Variants in ANKS3 observed in about 807,000 individuals in gnomAD.
ANKS3 encodes ankyrin repeat and sterile alpha motif domain containing 3.
In ANKS3, 62 loss-of-function variants were observed where a neutral mutation model predicts 80.7. That is an observed-to-expected ratio of 0.77 (90% CI 0.63 to 0.95). ANKS3 has a LOEUF of 0.95. Among genes scored for constraint, ANKS3 ranks in the 40% least tolerant of loss-of-function variants. The pLI, the probability that ANKS3 is intolerant of heterozygous loss-of-function variation, is 0.00. For missense variants in ANKS3, 1,150 were observed against 883.6 expected (o/e 1.30, Z -3.82); for synonymous variants, 489 against 355.3 (o/e 1.38, Z -4.23).
intron 6 of ANKS3, among the ~76,000 whole-genome samples, chr16:4,716,180 T>C (rs1410583159): frequency 6.6e-6 from 1 of 150,880 alleles, no homozygotes; most frequent in Non-Finnish European, 1.5e-5. Context: ...ACAGGGTGAA[T>C]CCTCATCTCT....
chr16:4,697,441 G>C, intron 15 of ANKS3, 25 bp from the exon 16 acceptor site: 1 of 1,562,286 alleles, frequency 6.4e-7, no homozygotes, highest in Non-Finnish European at 8.7e-7. Context: ...CAGGGACCGA[G>C]TTAGCTGGGG....
Position 4,696,811 on chromosome 16 carries a change from G to C in ANKS3, c.*97C>G, listed in dbSNP as rs981759679. On this transcript the variant is annotated 3_prime_UTR_variant, in exon 18 of 18. Transcript: ENST00000304283. The stretch of plus-strand genomic sequence containing the variant: ...GATCCTCTGGCCCCCACTGGGCCTG[G>C]GCTGCACATGGCAGCTACCTGCTCA... 8.2e-6 allele frequency: 5 copies of C among 609,226 alleles called. No individual in the cohort carries two copies. Among genetic ancestry groups the C allele is most frequent in the African/African-American group, 7.4e-5 (4 of 54,050 alleles). 37.7% of individuals were successfully genotyped at this position (609,226 alleles called of 1,614,324 possible). A position where few individuals can be genotyped will look rare whatever the true frequency, so the allele number is the denominator to read the frequency against.
chr16:4,716,630 T>C (rs1336063098), intron 6 of ANKS3, among the ~76,000 whole-genome samples: 1 of 151,810 alleles, frequency 6.6e-6, no homozygotes, highest in Non-Finnish European at 1.5e-5. Flanking sequence ...TAAAAAATAA[T>C]TTATAGGCCG....
At position 4,698,781 on chromosome 16, in the gene ANKS3, C is replaced by G. The variant is rs8050086; in HGVS notation, c.1551+19G>C. On this transcript the variant is annotated intron_variant, in intron 13 of 17. Transcript: ENST00000304283. ...CACGGGTGTCACCCTGCCCCCCCAT[C>G]CCCCACCCAGCCACTCACCTTGTGC... The G allele has an allele frequency of 8.6e-3, 13,699 of 1,586,040 alleles. 923 individuals are homozygous for G. In the African/African-American group the frequency reaches 0.16, roughly 18 times the overall value.
intron 11 of ANKS3, chr16:4,699,418 C>T: frequency 1.8e-6 from 1 of 545,396 alleles, no homozygotes; most frequent in Non-Finnish European, 3.3e-6. Context: ...CAGAAACTGG[C>T]CTCCTCCTCC....
chr16:4,700,422 AAC>A (rs1471887011), intron 11 of ANKS3: 18 of 212,436 alleles, frequency 8.5e-5, no homozygotes, highest in Admixed American at 2.1e-4. Context: ...GTCTCGAACA[AAC>A]AAACCAAATA....
chr16:4,697,378 G>C lies in ANKS3; in HGVS notation c.1849C>G (p.Leu617Val), dbSNP rs1381563834. The C allele has an allele frequency of 6.2e-7, 1 of 1,610,504 alleles. No individual in the cohort carries two copies. Among genetic ancestry groups the C allele is most frequent in the Admixed American group, 1.7e-5 (1 of 59,830 alleles). ...TCCAGGGCTCCCGAGAGCTCGGGGA[G>C]GCTCATGGCCTGCAGGGACGCTTGC... The part of the protein sequence containing the change: ...GWQASLQAMS[L>V]PELSGALEDR... The change falls in exon 16 of 18, where the codon CTC (leucine) becomes GTC (valine). Residue 617 changes from leucine to valine, a missense_variant. Leu to Val is a conservative substitution (Grantham distance 32). Transcript: ENST00000304283.
intron 6 of ANKS3, among the ~76,000 whole-genome samples, chr16:4,724,068 AAATT>A (rs2081238149): frequency 6.6e-6 from 1 of 152,206 alleles, no homozygotes; most frequent in South Asian, 2.1e-4. Flanking sequence ...TCAAAAAAAT[AAATT>A]AATAAAATAA....
intron 3 of ANKS3, chr16:4,727,565 G>A (rs2081417216): frequency 6.5e-6 from 2 of 307,248 alleles, no homozygotes; most frequent in Non-Finnish European, 1.3e-5. Context: ...ATCCCACAGT[G>A]TCCAGGACAG....
At chr16:4,725,071 T>C in intron 5 of ANKS3, 1 of 365,756 alleles carries the variant, frequency 2.7e-6, no homozygotes, top group Non-Finnish European at 4.9e-6. Flanking sequence ...TGTCTGCCTG[T>C]CGTCCCACCT....
chr16:4,725,454 T>A (rs189069416), intron 5 of ANKS3, among the ~76,000 whole-genome samples: 9 of 152,330 alleles, frequency 5.9e-5, no homozygotes, highest in Admixed American at 6.5e-5. Context: ...TCAGAAAACA[T>A]CTTTAAATCA....
intron 10 of ANKS3, 116 bp downstream of exon 10, chr16:4,701,318 G>T: frequency 7.6e-7 from 1 of 1,316,094 alleles, no homozygotes; most frequent in Non-Finnish European, 1.0e-6. Context: ...TCCCAGTGCA[G>T]CACACACGTG....
chr16:4,697,934 A>G, intron 15 of ANKS3, 43 bp downstream of exon 15: 1 of 1,466,056 alleles, frequency 6.8e-7, no homozygotes, highest in Non-Finnish European at 9.0e-7. Context: ...GGGCTCCCCC[A>G]CCTTCCCCTC....
rs375713993 is a variant in ANKS3, at chr16:4,727,132, C to T, written c.216G>A (p.Pro72=). 5 of 1,614,166 alleles carry T rather than the reference C, an allele frequency of 3.1e-6. No homozygotes were observed. Among genetic ancestry groups the T allele is most frequent in the South Asian group, 1.1e-5 (1 of 91,082 alleles). ...LNKKNGGGWT[P]LMYASYIGHD... ...GGCCAATGTAGGAGGCATACATCAGCGGGGTCCAGCCACCACCATTCTTCT... is the reference window on the plus strand; with the variant it reads ...GGCCAATGTAGGAGGCATACATCAGTGGGGTCCAGCCACCACCATTCTTCT... Residue 72 remains proline (P), a synonymous_variant, in exon 4 of 18, where the codon CCG becomes CCA. Coordinates refer to ENST00000304283, the MANE Select transcript of ANKS3 (RefSeq NM_133450.4).
rs61747669 is a variant in ANKS3 at position 4,701,123 on chromosome 16, A to G, written c.1131T>C (p.His377=). 3.5e-3 allele frequency: 5,585 copies of G among 1,613,912 alleles called. 180 individuals are homozygous for G. In the African/African-American group the frequency reaches 0.065, roughly 19 times the overall value. The change falls in exon 11 of 18, where the codon CAT becomes CAC. Residue 377 remains histidine (H), a synonymous_variant. Transcript: ENST00000304283. ...GTTTGCGAGCTGAGCTTTTACAGGC[A>G]TGATCCGAGTCCTGCAGTGAGAGGC... ...ASVESNEDSD[H]ACKSSARKQA...
At chr16:4,711,513 G>A (rs186740086) in intron 7 of ANKS3, among the ~76,000 whole-genome samples, 14 of 151,484 alleles carry the variant, frequency 9.2e-5, no homozygotes, top group Admixed American at 9.2e-4. Context: ...GAGGTCGGGA[G>A]TTTGAGACCA....
intron 5 of ANKS3, 68 bp downstream of exon 5, chr16:4,726,591 G>A: frequency 3.8e-6 from 6 of 1,561,320 alleles, no homozygotes; most frequent in Non-Finnish European, 5.3e-6. Flanking sequence ...GCTGCCTCCA[G>A]AGCCACCCTC....
chr16:4,722,410 C>T (rs958904331), intron 6 of ANKS3, among the ~76,000 whole-genome samples: 6 of 151,648 alleles, frequency 4.0e-5, no homozygotes, highest in African/African-American at 1.5e-4. Flanking sequence ...GAAACCTTGT[C>T]TCTACTAAAA....
chr16:4,699,189 G>T lies in ANKS3; in HGVS notation c.1285-13C>A, dbSNP rs758034712. 1 of 1,613,592 alleles carries T rather than the reference G, an allele frequency of 6.2e-7. No homozygotes were observed. The highest frequency in any genetic ancestry group is 1.1e-5 in the South Asian group (1 of 91,014). On this transcript the variant is annotated splice_polypyrimidine_tract_variant and intron_variant, in intron 11 of 17. Coordinates refer to ENST00000304283, the MANE Select transcript of ANKS3 (RefSeq NM_133450.4). ...GTGCGGCAAGGTCCTGGCAGGCACA[G>T]GGGACAGGTTGGGGGAGGTAGTGGC...
Sources: allele counts gnomAD v4.1 joint callset (sites outside exome capture counted in the v4.1 genomes callset), GRCh38; gene constraint gnomAD v4.1.1; transcripts MANE v1.5; gene names NCBI Gene and HGNC (gene_info 2026-07-23, HGNC 2026-07-21).